TP53TG5: variants seen among roughly 807,000 people sequenced by gnomAD.
TP53TG5 encodes the protein TP53-target gene 5 protein.
TP53TG5 carries 17 observed loss-of-function variants against 30.0 expected under a neutral mutation model. The ratio of observed to expected loss-of-function variants is 0.57; its 90% confidence interval spans 0.39 to 0.85. TP53TG5 has a LOEUF of 0.85. Ranked by LOEUF, TP53TG5 falls within the 40% of genes least tolerant of loss-of-function variation. The pLI, the probability that TP53TG5 is intolerant of heterozygous loss-of-function variation, is 0.00. For synonymous variants in TP53TG5, 137 were observed against 139.2 expected, an observed-to-expected ratio of 0.98 and a Z score of 0.11; for missense variants, 338 against 367.9, an observed-to-expected ratio of 0.92 and a Z score of 0.67.
chr20:45,374,676 T>TC (rs1988667411), intron 4 of TP53TG5: 2 of 424,152 alleles, frequency 4.7e-6, no homozygotes, highest in South Asian at 4.8e-5. Context: ...CTTGACCATC[T>TC]CCCCCCTCCC....
chr20:45,374,075 G>C, intron 4 of TP53TG5, 64 bp from the exon 5 acceptor site: 1 of 1,526,044 alleles, frequency 6.6e-7, no homozygotes, highest in African/African-American at 1.4e-5. Context: ...GTCGTTTGGG[G>C]AGCGGGCGCA....
chr20:45,377,839 G>A (rs1442653544), intron 1 of TP53TG5, among the ~76,000 whole-genome samples: 1 of 152,170 alleles, frequency 6.6e-6, no homozygotes, highest in East Asian at 1.9e-4. Context: ...CTACTCAAGA[G>A]GGTGAGGCAG....
chr20:45,377,704 G>T (rs1000809785), intron 1 of TP53TG5, 91 bp from the exon 2 acceptor site: 1 of 1,255,492 alleles, frequency 8.0e-7, no homozygotes, highest in African/African-American at 1.5e-5. Flanking sequence ...TTGGGAGGCC[G>T]AGGTGGGTGG....
Position 45,375,279 on chromosome 20 carries a change from T to G in TP53TG5, c.528A>C (p.Gln176His). The stretch of plus-strand genomic sequence containing the variant: ...TGACTCGGGGGCCCTCGGTGAGTGG[T>G]TGCCTCCCCTGGACTCCAGGGTTCA... ...DSLNPGVQGR[Q>H]PLTEGPRVIF... is the part of the protein sequence containing the mutation. Residue 176 changes from glutamine to histidine, a missense_variant, in exon 4 of 5, where the codon CAA (glutamine) becomes CAC (histidine). Transcript: ENST00000372726. The G allele has an allele frequency of 6.2e-7, 1 of 1,614,106 alleles. No homozygotes were observed. Among genetic ancestry groups the G allele is most frequent in the Non-Finnish European group, 8.5e-7 (1 of 1,180,000 alleles).
intron 1 of TP53TG5, 122 bp from the exon 2 acceptor site, chr20:45,377,735 T>A (rs1454630322): frequency 3.6e-6 from 3 of 840,566 alleles, no homozygotes; most frequent in Non-Finnish European, 5.8e-6. Context: ...GTCAGGAGTT[T>A]GAGATGCCTG....
At chr20:45,377,380 G>A in intron 2 of TP53TG5, 38 bp from the exon 3 acceptor site, 1 of 1,613,334 alleles carries the variant, frequency 6.2e-7, no homozygotes, top group Non-Finnish European at 8.5e-7. Context: ...AGAAGCTTCA[G>A]CTTTCCTGGA....
chr20:45,378,292 C>T lies in TP53TG5; in HGVS notation c.-56G>A. The T allele has an allele frequency of 6.2e-6, 10 of 1,612,526 alleles. No individual in the cohort carries two copies. The highest frequency in any genetic ancestry group is 8.5e-6 in the Non-Finnish European group (10 of 1,179,512). On this transcript the variant is annotated 5_prime_UTR_variant, in exon 1 of 5. Transcript: ENST00000372726. ...GAGCAACACCAGTGCCAGGCACCAA[C>T]CCTGTTCCTCTCAGTTCAGCCAGCA...
intron 1 of TP53TG5, among the ~76,000 whole-genome samples, chr20:45,377,815 G>T (rs567206407): frequency 6.6e-6 from 1 of 152,166 alleles, no homozygotes; most frequent in Non-Finnish European, 1.5e-5. Flanking sequence ...GGTGGCATGC[G>T]CCTGTAGTCC....
chr20:45,376,944 A>G, intron 3 of TP53TG5: 1 of 394,734 alleles, frequency 2.5e-6, no homozygotes, highest in South Asian at 3.2e-5. Context: ...CAACTGGATG[A>G]TTACAACCAT....
chr20:45,377,578 C>G lies in TP53TG5; in HGVS notation c.84G>C (p.Gln28His). The change falls in exon 2 of 5, where the codon CAG becomes CAC. Residue 28 changes from glutamine to histidine, a missense_variant. Transcript: ENST00000372726. ...TCCGCTCAATTACTTTGCTCACAGGCTGCTCTGTCTCGTCCCGCAGTTTCT... is the reference window on the plus strand; with the variant it reads ...TCCGCTCAATTACTTTGCTCACAGGGTGCTCTGTCTCGTCCCGCAGTTTCT... ...QDEKLRDETE[Q>H]PVSKVIERNR... 6.2e-7 allele frequency: 1 copy of G among 1,614,144 alleles called. No individual in the cohort carries two copies. The highest frequency in any genetic ancestry group is 8.5e-7 in the Non-Finnish European group (1 of 1,180,020).
rs1410147130 is a variant in TP53TG5, at chr20:45,378,216, C to A, written c.21G>T (p.Lys7Asn). Residue 7 changes from lysine to asparagine, a missense_variant, in exon 1 of 5, where the codon AAG becomes AAT. Lys to Asn is a moderately conservative substitution (Grantham distance 94). Transcript: ENST00000372726. The part of the protein sequence containing the change: MSPSAK[K>N]RPKNSRVSKM... Reference sequence around the variant, plus strand: ...TGGAAACCCTGCTGTTCTTGGGCCTCTTCTTTGCTGATGGACTCATGCTGG... The same window carrying A: ...TGGAAACCCTGCTGTTCTTGGGCCTATTCTTTGCTGATGGACTCATGCTGG... 3 of 1,614,028 alleles carry A rather than the reference C, an allele frequency of 1.9e-6. No individual in the cohort carries two copies. In the Admixed American group the frequency reaches 5.0e-5, roughly 27 times the overall value.
Position 45,373,829 on chromosome 20 carries a change from C to T in TP53TG5, c.*78G>A. On this transcript the variant is annotated 3_prime_UTR_variant, in exon 5 of 5. Transcript: ENST00000372726. ...GACACAGGCTCCCTCTACCGAAGGCCTCTTTCCTTCATCCTTCCCAGCCCC... is the reference window on the plus strand; with the variant it reads ...GACACAGGCTCCCTCTACCGAAGGCTTCTTTCCTTCATCCTTCCCAGCCCC... The T allele has an allele frequency of 3.5e-6, 5 of 1,426,832 alleles. No individual in the cohort carries two copies. Among genetic ancestry groups the T allele is most frequent in the Non-Finnish European group, 4.9e-6 (5 of 1,012,416 alleles). 88.4% of individuals were successfully genotyped at this position (1,426,832 alleles called of 1,614,324 possible). A position where few individuals can be genotyped will look rare whatever the true frequency, so the allele number is the denominator to read the frequency against.
chr20:45,373,875 C>G lies in TP53TG5; in HGVS notation c.*32G>C. 1 of 1,578,702 alleles carries G rather than the reference C, an allele frequency of 6.3e-7. No homozygotes were observed. Among genetic ancestry groups the G allele is most frequent in the Non-Finnish European group, 8.7e-7 (1 of 1,147,864 alleles). Reference sequence around the variant, plus strand: ...GCCCCAGACAAACAGGCAGAGTAAGCAGTATTCGTCTTAGGTGCCATATGG... The same window carrying G: ...GCCCCAGACAAACAGGCAGAGTAAGGAGTATTCGTCTTAGGTGCCATATGG... On this transcript the variant is annotated 3_prime_UTR_variant, in exon 5 of 5. Coordinates refer to ENST00000372726, the MANE Select transcript of TP53TG5 (RefSeq NM_014477.3).
rs1297582577 is a variant in TP53TG5, at chr20:45,373,709, C to G, written c.*198G>C. ...GAGCGCGCCACTCAGGAGACTAGCTCGCGGAGGTGGGGGAGGGGTGCTGCT... is the reference window on the plus strand; with the variant it reads ...GAGCGCGCCACTCAGGAGACTAGCTGGCGGAGGTGGGGGAGGGGTGCTGCT... On this transcript the variant is annotated 3_prime_UTR_variant, in exon 5 of 5. Coordinates refer to ENST00000372726, the MANE Select transcript of TP53TG5 (RefSeq NM_014477.3). 6.9e-6 allele frequency: 4 copies of G among 582,654 alleles called. No homozygotes were observed. Among genetic ancestry groups the G allele is most frequent in the Non-Finnish European group, 1.2e-5 (4 of 332,278 alleles). The allele number at this position is 582,654 out of a possible 1,614,324, so 36.1% of individuals were successfully genotyped here.
rs985561194 is a variant in TP53TG5 at position 45,373,645 on chromosome 20, C to T, written c.*262G>A. 30 of 531,028 alleles carry T rather than the reference C, an allele frequency of 5.6e-5. No homozygotes were observed. The highest frequency in any genetic ancestry group is 9.8e-5 in the Non-Finnish European group (29 of 294,882). 32.9% of individuals were successfully genotyped at this position (531,028 alleles called of 1,614,324 possible). A position where few individuals can be genotyped will look rare whatever the true frequency, so the allele number is the denominator to read the frequency against. On this transcript the variant is annotated 3_prime_UTR_variant, in exon 5 of 5. Transcript: ENST00000372726. Reference sequence around the variant, plus strand: ...GAGCTCGCGGGGCGATTGTGAGGCACTTTGCACCCAGGAAGCACACGAGCG... The same window carrying T: ...GAGCTCGCGGGGCGATTGTGAGGCATTTTGCACCCAGGAAGCACACGAGCG...
chr20:45,374,003 C>G lies in TP53TG5; in HGVS notation c.777G>C (p.Val259=). 1.9e-6 allele frequency: 3 copies of G among 1,614,020 alleles called. No individual in the cohort carries two copies. The highest frequency in any genetic ancestry group is 2.5e-6 in the Non-Finnish European group (3 of 1,180,026). The change falls in exon 5 of 5, where the codon GTG becomes GTC. Residue 259 remains valine (V), a synonymous_variant. Transcript: ENST00000372726. ...TCGCACCTCTGGCTCTCGTCCAGGT[C>G]ACATCAACCTGCCAGCAGAAACCTC... The part of the protein sequence containing the change: ...MPMWHPYKVD[V]TWTRARGASR...
rs767966819 is a variant in TP53TG5, at chr20:45,375,139, G to C, written c.668C>G (p.Pro223Arg). 1 of 1,614,144 alleles carries C rather than the reference G, an allele frequency of 6.2e-7. No homozygotes were observed. Among genetic ancestry groups the C allele is most frequent in the Non-Finnish European group, 8.5e-7 (1 of 1,180,040 alleles). The change falls in exon 4 of 5, where the codon CCC becomes CGC. Residue 223 changes from proline to arginine, a missense_variant. Physicochemically the swap from Pro to Arg is moderately radical, Grantham distance 103 (BLOSUM62 -2). Coordinates refer to ENST00000372726, the MANE Select transcript of TP53TG5 (RefSeq NM_014477.3). ...GLPTRIHLPA[P>R]RVMCRSSTLR... is the part of the protein sequence containing the mutation. ...GGTGGAGGATCTGCACATCACCCTG[G>C]GCGCCGGGAGGTGGATTCGTGTGGG...
In TP53TG5 at chr20:45,373,803, C is replaced by A; in HGVS notation, c.*104G>T. Reference sequence around the variant, plus strand: ...TGGGGGTGGGGGAAGCCTGAAGTCGCGACACAGGCTCCCTCTACCGAAGGC... The same window carrying A: ...TGGGGGTGGGGGAAGCCTGAAGTCGAGACACAGGCTCCCTCTACCGAAGGC... On this transcript the variant is annotated 3_prime_UTR_variant, in exon 5 of 5. Transcript: ENST00000372726. The A allele has an allele frequency of 8.8e-7, 1 of 1,139,904 alleles. No homozygotes were observed. The highest frequency in any genetic ancestry group is 2.4e-5 in the East Asian group (1 of 41,494). The allele number at this position is 1,139,904 out of a possible 1,614,324, so 70.6% of individuals were successfully genotyped here. A position where few individuals can be genotyped will look rare whatever the true frequency, so the allele number is the denominator to read the frequency against.
chr20:45,374,038 C>T (rs1386264349), intron 4 of TP53TG5, 27 bp from the exon 5 acceptor site: 14 of 1,609,988 alleles, frequency 8.7e-6, no homozygotes, highest in African/African-American at 2.7e-5. Flanking sequence ...CGGTGTTAGG[C>T]GCTAAGACTG....
Sources: gnomAD v4.1 joint callset for allele counts (sites outside exome capture counted in the v4.1 genomes callset) on GRCh38, gnomAD v4.1.1 for gene constraint, MANE v1.5 for transcripts, NCBI Gene and HGNC (gene_info 2026-07-23, HGNC 2026-07-21) for gene names.